AGBL4: variants seen among roughly 807,000 people sequenced by gnomAD.
AGBL4 encodes cytosolic carboxypeptidase 6.
Under a neutral mutation model 66.4 loss-of-function variants are expected in AGBL4, and 58 were observed. The ratio of observed to expected loss-of-function variants is 0.87; its 90% CI spans 0.71 to 1.09. The LOEUF (loss-of-function observed/expected upper bound fraction) is 1.09, where lower values mean the gene tolerates loss of function less well. Among genes scored for constraint, AGBL4 ranks in the 50% least tolerant of loss-of-function variants. The pLI is 0.00. For missense variants in AGBL4, 579 were observed against 631.0 expected (o/e 0.92, Z 0.88); for synonymous variants, 234 against 222.9 (o/e 1.05, Z -0.44).
chr1:49,267,890 C>T (rs1035483979), intron 3 of AGBL4, among the ~76,000 whole-genome samples: 2 of 152,040 alleles, frequency 1.3e-5, no homozygotes, highest in Admixed American at 1.3e-4. Flanking sequence ...TTCACTACCA[C>T]AAGAACAGCA....
intron 4 of AGBL4, among the ~76,000 whole-genome samples, chr1:49,120,676 A>T (rs1645634186): frequency 6.6e-6 from 1 of 151,968 alleles, no homozygotes; most frequent in African/African-American, 2.4e-5. Context: ...ACTGACAATT[A>T]TGTGTCTTGG....
At chr1:49,683,019 G>T (rs150550068) in intron 3 of AGBL4, among the ~76,000 whole-genome samples, 2 of 152,090 alleles carry the variant, frequency 1.3e-5, no homozygotes, top group East Asian at 3.9e-4. Flanking sequence ...GTTATCCCAG[G>T]TCTTAGACTG....
intron 3 of AGBL4, among the ~76,000 whole-genome samples, chr1:49,434,482 C>T (rs1645856375): frequency 6.6e-6 from 1 of 152,134 alleles, no homozygotes; most frequent in South Asian, 2.1e-4. Flanking sequence ...AAAGAACCAC[C>T]TCTGACTTGA....
intron 10 of AGBL4, among the ~76,000 whole-genome samples, chr1:48,589,307 C>T (rs1644877241): frequency 6.6e-6 from 1 of 152,158 alleles, no homozygotes; most frequent in South Asian, 2.1e-4. Context: ...CCTGGTTTGA[C>T]ATTCAAAAGT....
chr1:49,061,426 A>C (rs1382053138), intron 4 of AGBL4, among the ~76,000 whole-genome samples: 1 of 152,098 alleles, frequency 6.6e-6, no homozygotes, highest in Non-Finnish European at 1.5e-5. Context: ...GAAAAGTTAT[A>C]ATAATTTGAT....
intron 1 of AGBL4, among the ~76,000 whole-genome samples, chr1:49,853,552 G>A (rs1349122462): frequency 6.6e-6 from 1 of 152,070 alleles, no homozygotes; most frequent in Non-Finnish European, 1.5e-5. Context: ...CCAAGGATAT[G>A]AGAGTAAGAA....
intron 4 of AGBL4, among the ~76,000 whole-genome samples, chr1:49,105,422 G>T (rs1645274867): frequency 6.6e-6 from 1 of 152,092 alleles, no homozygotes; most frequent in Admixed American, 6.6e-5. Context: ...GTTACAGCTG[G>T]GGAAAGTGTG....
intron 3 of AGBL4, among the ~76,000 whole-genome samples, chr1:49,692,736 C>G (rs190993846): frequency 6.6e-6 from 1 of 151,192 alleles, no homozygotes; most frequent in African/African-American, 2.4e-5. Flanking sequence ...AAAAAAAGAG[C>G]AGCAAACTTT....
At chr1:49,219,769 A>T (rs1175467100) in intron 4 of AGBL4, among the ~76,000 whole-genome samples, 1 of 152,136 alleles carries the variant, frequency 6.6e-6, no homozygotes, top group Non-Finnish European at 1.5e-5. Context: ...TCAGCAGAAA[A>T]GTTTCGTTGT....
At chr1:48,957,402 T>C (rs1430478605) in intron 5 of AGBL4, among the ~76,000 whole-genome samples, 1 of 152,210 alleles carries the variant, frequency 6.6e-6, no homozygotes, top group South Asian at 2.1e-4. Context: ...CAAATTTTGT[T>C]ATTGCAAATA....
chr1:48,535,030 A>T lies in AGBL4; in HGVS notation c.1365-114T>A, dbSNP rs143569349. ...GATGTTGTTTTTAACACCCAAACGGAGCATAGGACGTAAGTATGTTTTTAT... is the reference window on the plus strand; with the variant it reads ...GATGTTGTTTTTAACACCCAAACGGTGCATAGGACGTAAGTATGTTTTTAT... On this transcript the variant is annotated intron_variant, in intron 12 of 13. Transcript: ENST00000371839. The T allele has an allele frequency of 9.0e-5, 87 of 964,152 alleles. No homozygotes were observed. In the East Asian group the frequency reaches 2.2e-3, roughly 25 times the overall value. The allele number at this position is 964,152 out of a possible 1,614,324, so 59.7% of individuals were successfully genotyped here.
At chr1:49,497,190 T>C (rs920870214) in intron 3 of AGBL4, among the ~76,000 whole-genome samples, 1 of 152,026 alleles carries the variant, frequency 6.6e-6, no homozygotes. Flanking sequence ...AAATGTCTAA[T>C]AGTACCTTTG....
intron 3 of AGBL4, among the ~76,000 whole-genome samples, chr1:49,294,132 T>G (rs1055972706): frequency 6.6e-6 from 1 of 152,230 alleles, no homozygotes; most frequent in East Asian, 1.9e-4. Context: ...GTCACTTAGT[T>G]GCATGTTTTT....
At chr1:48,689,502 CCCTTCCTCCTTTGTTT>C (rs1481323824) in intron 6 of AGBL4, among the ~76,000 whole-genome samples, 93 of 141,304 alleles carry the variant, frequency 6.6e-4, no homozygotes, top group African/African-American at 2.2e-3. Flanking sequence ...TGTCCTTCTT[CCCTTCCTCCTTTGTTT>C]CCTTCCTTTC....
At position 49,332,080 on chromosome 1, in the gene AGBL4, G is replaced by A. The variant is rs185183422; in HGVS notation, c.283-86216C>T. On this transcript the variant is annotated intron_variant, in intron 3 of 13. Transcript: ENST00000371839. Reference sequence around the variant, plus strand: ...CTAGGAGAGAGAGGCAAGGAAAGAGGGAGGCTAGTTTGTTAGTTGTTTGCT... The same window carrying A: ...CTAGGAGAGAGAGGCAAGGAAAGAGAGAGGCTAGTTTGTTAGTTGTTTGCT... Among the ~76,000 whole-genome samples, 99 of 152,296 alleles carry A rather than the reference G, an allele frequency of 6.5e-4. 2 individuals carry two copies. Among genetic ancestry groups the A allele is most frequent in the African/African-American group, 2.4e-3 (99 of 41,574 alleles).
intron 3 of AGBL4, among the ~76,000 whole-genome samples, chr1:49,416,632 TG>T (rs1426688616): frequency 6.6e-6 from 1 of 152,180 alleles, no homozygotes; most frequent in African/African-American, 2.4e-5. Context: ...TGTGATACTT[TG>T]GGCAAGTCAT....
At chr1:49,007,376 GTGA>G (rs1472640075) in intron 5 of AGBL4, among the ~76,000 whole-genome samples, 87 of 149,780 alleles carry the variant, frequency 5.8e-4, no homozygotes, top group African/African-American at 1.9e-3. Flanking sequence ...ATGGGACTAT[GTGA>G]AAAGACCAAA....
intron 3 of AGBL4, among the ~76,000 whole-genome samples, chr1:49,425,075 T>C (rs754864468): frequency 2.6e-5 from 4 of 152,120 alleles, no homozygotes; most frequent in Non-Finnish European, 2.9e-5. Flanking sequence ...ACCCAGGAAA[T>C]GTGGTTAATG....
chr1:49,194,663 T>C (rs541293075), intron 4 of AGBL4, among the ~76,000 whole-genome samples: 1 of 152,258 alleles, frequency 6.6e-6, no homozygotes, highest in East Asian at 1.9e-4. Context: ...ATGGCTTGAT[T>C]ATAGCTCCCC....
Sources: gnomAD v4.1 joint callset for allele counts (sites outside exome capture counted in the v4.1 genomes callset) on GRCh38, gnomAD v4.1.1 for gene constraint, MANE v1.5 for transcripts, NCBI Gene and HGNC (gene_info 2026-07-23, HGNC 2026-07-21) for gene names.